VRK1: variants seen among roughly 807,000 people sequenced by gnomAD.
The protein encoded by VRK1 is serine/threonine-protein kinase VRK1.
A neutral mutation model predicts 57.1 loss-of-function variants in VRK1; 33 were observed. The ratio of observed to expected loss-of-function variants is 0.58; its 90% CI spans 0.44 to 0.77. The LOEUF (loss-of-function observed/expected upper bound fraction) is 0.77. Among genes scored for constraint, VRK1 ranks in the 30% least tolerant of loss-of-function variants. The pLI, the probability that VRK1 is intolerant of heterozygous loss-of-function variation, is 0.00. For missense variants in VRK1, 413 were observed against 477.3 expected, an observed-to-expected ratio of 0.87 and a Z score of 1.25; for synonymous variants, 137 against 147.8, an observed-to-expected ratio of 0.93 and a Z score of 0.53.
intron 11 of VRK1, among the ~76,000 whole-genome samples, chr14:96,868,462 G>A (rs182628241): frequency 1.3e-5 from 2 of 152,266 alleles, no homozygotes; most frequent in African/African-American, 4.8e-5. Flanking sequence ...AATAGCTTCT[G>A]TGCAGAAAAC....
chr14:96,869,401 A>T (rs1197622908), intron 11 of VRK1, among the ~76,000 whole-genome samples: 1 of 152,212 alleles, frequency 6.6e-6, no homozygotes, highest in Admixed American at 6.5e-5. Flanking sequence ...TTAAAAGTTC[A>T]GTTTATGAAA....
intron 11 of VRK1, among the ~76,000 whole-genome samples, chr14:96,872,910 G>C (rs909918242): frequency 2.6e-5 from 4 of 152,094 alleles, no homozygotes; most frequent in African/African-American, 7.2e-5. Flanking sequence ...TTAGTCACAT[G>C]GACTGATTAG....
intron 12 of VRK1, chr14:96,877,562 G>A (rs1244829523): frequency 7.8e-7 from 1 of 1,289,532 alleles, no homozygotes; most frequent in South Asian, 1.2e-5. Flanking sequence ...GCTAGCAGCA[G>A]CAGCTATGAC....
rs571846624 is a variant in VRK1 at position 96,831,508 on chromosome 14, C to A, written c.-5-1959C>A. Among the ~76,000 whole-genome samples, 221 of 152,264 alleles carry A rather than the reference C, an allele frequency of 1.5e-3. 2 individuals carry two copies. Among genetic ancestry groups the A allele is most frequent in the Non-Finnish European group, 2.3e-3 (159 of 68,022 alleles). Reference sequence around the variant, plus strand: ...CATTCCAAGCCTTAATTAATTATTACAATTAGTTTCAATTAGTTGGCCACA... The same window carrying A: ...CATTCCAAGCCTTAATTAATTATTAAAATTAGTTTCAATTAGTTGGCCACA... On this transcript the variant is annotated intron_variant, in intron 1 of 12. Coordinates refer to ENST00000216639, the MANE Select transcript of VRK1 (RefSeq NM_003384.3).
chr14:96,807,943 GTCTCTC>G (rs1211769365), intron 1 of VRK1, among the ~76,000 whole-genome samples: 2 of 144,786 alleles, frequency 1.4e-5, no homozygotes, highest in Non-Finnish European at 3.0e-5. Flanking sequence ...CTCTTTCTCT[GTCTCTC>G]TCTCTGTCTC....
At chr14:96,825,215 C>T (rs979418210) in intron 1 of VRK1, among the ~76,000 whole-genome samples, 1 of 152,098 alleles carries the variant, frequency 6.6e-6, no homozygotes, top group Non-Finnish European at 1.5e-5. Flanking sequence ...AGGTGTGGCT[C>T]TTAGAAAGAT....
chr14:96,808,002 C>CCTCTCTCCGTCTCTCTCT lies in VRK1; in HGVS notation c.-6+10562_-6+10563insCGTCTCTCTCTCTCTCTC, dbSNP rs149250994. Among the ~76,000 whole-genome samples, 545 of 118,126 alleles carry CCTCTCTCCGTCTCTCTCT rather than the reference C, an allele frequency of 4.6e-3. 29 individuals are homozygous for CCTCTCTCCGTCTCTCTCT. Among genetic ancestry groups the CCTCTCTCCGTCTCTCTCT allele is most frequent in the African/African-American group, 0.018 (508 of 28,014 alleles). 77.5% of individuals were successfully genotyped at this position (118,126 alleles called of 152,430 possible). On this transcript the variant is annotated intron_variant, in intron 1 of 12. Coordinates refer to ENST00000216639, the MANE Select transcript of VRK1 (RefSeq NM_003384.3). ...GTCTCTCTCCCTCTCTCCCTCTCTCCCTCTCTCTCTCCCTCTGTGTGTGTG... is the reference window on the plus strand; with the variant it reads ...GTCTCTCTCCCTCTCTCCCTCTCTCCCTCTCTCCGTCTCTCTCTCTCTCTCTCTCCCTCTGTGTGTGTG...
At chr14:96,808,658 CTTTTTT>C (rs372103145) in intron 1 of VRK1, among the ~76,000 whole-genome samples, 1 of 121,872 alleles carries the variant, frequency 8.2e-6, no homozygotes. Flanking sequence ...GCCCTCTGGA[CTTTTTT>C]TTTTTTTTTT....
At chr14:96,812,883 T>C (rs9285600) in intron 1 of VRK1, among the ~76,000 whole-genome samples, 95,043 of 152,034 alleles carry the variant, frequency 0.63, 30,571 homozygotes, top group African/African-American at 0.69. Context: ...CTGCTCCTTT[T>C]CCTACAAACC....
chr14:96,843,831 T>TG (rs1887565692), intron 3 of VRK1, among the ~76,000 whole-genome samples: 1 of 152,174 alleles, frequency 6.6e-6, no homozygotes, highest in African/African-American at 2.4e-5. Context: ...TTTGTGATAA[T>TG]GGAAGTTTAT....
chr14:96,825,805 G>A (rs1886778393), intron 1 of VRK1, among the ~76,000 whole-genome samples: 2 of 152,220 alleles, frequency 1.3e-5, no homozygotes, highest in South Asian at 2.1e-4. Flanking sequence ...TCTCTATACA[G>A]TGTAAAACAT....
chr14:96,875,589 T>A (rs930969990), intron 11 of VRK1, among the ~76,000 whole-genome samples: 1 of 152,184 alleles, frequency 6.6e-6, no homozygotes, highest in African/African-American at 2.4e-5. Context: ...AGACATACAT[T>A]TTTTCCATTT....
At chr14:96,800,661 A>G (rs1456733675) in intron 1 of VRK1, among the ~76,000 whole-genome samples, 3 of 152,034 alleles carry the variant, frequency 2.0e-5, no homozygotes, top group Non-Finnish European at 4.4e-5. Context: ...ATGGATTTTG[A>G]TGATTCTTTG....
chr14:96,872,807 T>C (rs76799730), intron 11 of VRK1, among the ~76,000 whole-genome samples: 5 of 152,358 alleles, frequency 3.3e-5, no homozygotes, highest in Non-Finnish European at 7.3e-5. Context: ...AGAAGATGTG[T>C]CCTTTTTCTT....
chr14:96,808,389 C>G (rs1266290439), intron 1 of VRK1, among the ~76,000 whole-genome samples: 1 of 152,100 alleles, frequency 6.6e-6, no homozygotes, highest in Non-Finnish European at 1.5e-5. Context: ...TTACCAAGCT[C>G]CATTGATTAA....
chr14:96,873,216 T>C (rs1369749242), intron 11 of VRK1, among the ~76,000 whole-genome samples: 1 of 152,222 alleles, frequency 6.6e-6, no homozygotes, highest in African/African-American at 2.4e-5. Context: ...TTTTTGCTTC[T>C]GAAGATTTTT....
At chr14:96,808,045 G>GTGTGTGTGTGTGTGTGTGTGCA (rs1885978019) in intron 1 of VRK1, among the ~76,000 whole-genome samples, 2 of 141,932 alleles carry the variant, frequency 1.4e-5, no homozygotes, top group Non-Finnish European at 3.0e-5. Context: ...GTGTGTGTGT[G>GTGTGTGTGTGTGTGTGTGTGCA]TGTGTGTGTG....
chr14:96,856,916 C>T (rs564890431), intron 10 of VRK1, among the ~76,000 whole-genome samples: 24 of 152,004 alleles, frequency 1.6e-4, no homozygotes, highest in African/African-American at 4.1e-4. Flanking sequence ...TGCAGTGAGC[C>T]GAGATTGTGC....
chr14:96,808,017 C>CTGTGTGTGTGTGTG (rs3049309), intron 1 of VRK1, among the ~76,000 whole-genome samples: 20 of 127,334 alleles, frequency 1.6e-4, no homozygotes, highest in Middle Eastern at 3.9e-3. Flanking sequence ...CTCTCTCCCT[C>CTGTGTGTGTGTGTG]TGTGTGTGTG....
Sources: gnomAD v4.1 joint callset for allele counts (sites outside exome capture counted in the v4.1 genomes callset) on GRCh38, gnomAD v4.1.1 for gene constraint, MANE v1.5 for transcripts, NCBI Gene and HGNC (gene_info 2026-07-23, HGNC 2026-07-21) for gene names.